ANO3: variants seen among roughly 807,000 people sequenced by gnomAD.
ANO3 encodes anoctamin 3, also known as anoctamin-3.
In ANO3, 99 loss-of-function variants were observed where a neutral mutation model predicts 144.8. The observed-to-expected ratio is 0.68, with a 90% CI of 0.58 to 0.81. The LOEUF is 0.81. ANO3 is among the 30% of genes least tolerant of loss of function. The pLI, the probability that ANO3 is intolerant of heterozygous loss-of-function variation, is 0.00. For synonymous variants in ANO3, 414 were observed against 392.6 expected (o/e 1.05, Z -0.64); for missense variants, 905 against 1,202.2 (o/e 0.75, Z 3.66).
intron 1 of ANO3, among the ~76,000 whole-genome samples, chr11:26,319,297 C>A (rs1248634164): frequency 6.6e-6 from 1 of 152,080 alleles, no homozygotes; most frequent in Non-Finnish European, 1.5e-5. Flanking sequence ...CTGTGCCTGG[C>A]TTTTTCCCTT....
Position 26,656,369 on chromosome 11 carries a change from A to T in ANO3, c.2658-7A>T. ...TTTGTCATTCTCTTTGTTTTTGTGG[A>T]TTTCAGGTACAGAGACTACAGAGGC... On this transcript the variant is annotated splice_polypyrimidine_tract_variant and splice_region_variant and intron_variant, in intron 25 of 26. Transcript: ENST00000256737. 6.3e-7 allele frequency: 1 copy of T among 1,578,726 alleles called. No individual in the cohort carries two copies. Among genetic ancestry groups the T allele is most frequent in the South Asian group, 1.1e-5 (1 of 89,426 alleles).
intron 3 of ANO3, among the ~76,000 whole-genome samples, chr11:26,456,456 C>CA (rs1284542541): frequency 2.3e-4 from 35 of 151,082 alleles, no homozygotes; most frequent in Non-Finnish European, 4.0e-4. Flanking sequence ...TTTACGCAGC[C>CA]AAAAAACACA....
intron 1 of ANO3, among the ~76,000 whole-genome samples, chr11:26,195,793 C>T (rs1443044349): frequency 5.9e-5 from 9 of 152,092 alleles, no homozygotes; most frequent in South Asian, 2.1e-4. Context: ...AGAACAACTA[C>T]GAATGTAGCT....
At chr11:26,264,195 C>T (rs1853257048) in intron 1 of ANO3, among the ~76,000 whole-genome samples, 2 of 152,108 alleles carry the variant, frequency 1.3e-5, no homozygotes, top group African/African-American at 4.8e-5. Context: ...TGAAATATTT[C>T]CAAGAAATTA....
At chr11:26,629,009 C>T (rs2133026367) in intron 18 of ANO3, among the ~76,000 whole-genome samples, 1 of 152,132 alleles carries the variant, frequency 6.6e-6, no homozygotes, top group East Asian at 1.9e-4. Context: ...ACTTGCATAT[C>T]CAATCTCCTC....
intron 1 of ANO3, among the ~76,000 whole-genome samples, chr11:26,403,792 A>T (rs1472284386): frequency 6.6e-6 from 1 of 151,812 alleles, no homozygotes; most frequent in Non-Finnish European, 1.5e-5. Flanking sequence ...ACTGTTCTGT[A>T]GACATAGAGG....
chr11:26,476,317 A>G (rs188262003), intron 4 of ANO3, among the ~76,000 whole-genome samples: 1 of 152,216 alleles, frequency 6.6e-6, no homozygotes, highest in East Asian at 1.9e-4. Flanking sequence ...AGTGATCAGG[A>G]AAACAGCTTC....
intron 11 of ANO3, among the ~76,000 whole-genome samples, chr11:26,546,171 A>G (rs1442887220): frequency 2.0e-5 from 3 of 151,872 alleles, no homozygotes; most frequent in Non-Finnish European, 4.4e-5. Context: ...AAACAAACAA[A>G]TGTTTTTTTT....
At chr11:26,244,974 GGTGTGTGTGTGTGTGT>G (rs61543573) in intron 1 of ANO3, among the ~76,000 whole-genome samples, 23 of 121,684 alleles carry the variant, frequency 1.9e-4, no homozygotes, top group Non-Finnish European at 3.0e-4. Flanking sequence ...CTGGTCTCCT[GGTGTGTGTGTGTGTGT>G]GTGTGTGTGT....
intron 1 of ANO3, among the ~76,000 whole-genome samples, chr11:26,281,424 G>A (rs1282354748): frequency 6.6e-6 from 1 of 152,072 alleles, no homozygotes; most frequent in Non-Finnish European, 1.5e-5. Flanking sequence ...TAGGCCTAGA[G>A]GGACCCTACT....
chr11:26,388,353 C>T (rs533187780), intron 1 of ANO3, among the ~76,000 whole-genome samples: 2 of 151,838 alleles, frequency 1.3e-5, no homozygotes, highest in East Asian at 3.9e-4. Context: ...ACTGTAAGTC[C>T]TTTATGGATA....
intron 1 of ANO3, among the ~76,000 whole-genome samples, chr11:26,364,045 G>T (rs1855998270): frequency 1.3e-5 from 2 of 152,148 alleles, no homozygotes; most frequent in Admixed American, 6.5e-5. Context: ...TAGAAGAATA[G>T]GTTGACTGGC....
intron 3 of ANO3, among the ~76,000 whole-genome samples, chr11:26,457,299 AAAAG>A (rs1435578746): frequency 9.4e-5 from 14 of 149,696 alleles, no homozygotes; most frequent in African/African-American, 2.9e-4. Context: ...AATAAAAGAA[AAAAG>A]AAAGAAAACA....
chr11:26,417,234 G>T (rs936204760), intron 1 of ANO3, among the ~76,000 whole-genome samples: 1 of 152,068 alleles, frequency 6.6e-6, no homozygotes, highest in Non-Finnish European at 1.5e-5. Flanking sequence ...ACCTCTATAA[G>T]TGTGTTTTCA....
intron 1 of ANO3, among the ~76,000 whole-genome samples, chr11:26,248,675 C>T (rs945136672): frequency 6.6e-6 from 1 of 152,138 alleles, no homozygotes; most frequent in African/African-American, 2.4e-5. Flanking sequence ...GCTGAATGTT[C>T]AAAGATTTTC....
rs1408161622 is a variant in ANO3 at position 26,585,282 on chromosome 11, C to CAT, written c.1448-13073_1448-13072dup. Among the ~76,000 whole-genome samples the CAT allele has an allele frequency of 1.1e-4, 17 of 151,924 alleles. 1 individual carries two copies. The South Asian group carries it at 2.7e-3, about 24-fold the overall frequency. On this transcript the variant is annotated intron_variant, in intron 14 of 26. Coordinates refer to ENST00000256737, the MANE Select transcript of ANO3 (RefSeq NM_031418.4). ...AATGCTTTGAGAGAGAGAGATATAT[C>CAT]ATATATATATAGGCATTATTTATAT...
intron 4 of ANO3, among the ~76,000 whole-genome samples, chr11:26,488,164 C>G (rs111465040): frequency 0.042 from 6,401 of 151,914 alleles, 171 homozygotes; most frequent in East Asian, 0.12. Flanking sequence ...GGCTCCATCT[C>G]AAAAAAACAA....
At chr11:26,300,830 CT>C (rs1214708415) in intron 1 of ANO3, among the ~76,000 whole-genome samples, 1 of 149,988 alleles carries the variant, frequency 6.7e-6, no homozygotes, top group Non-Finnish European at 1.5e-5. Context: ...TACTTCTTTA[CT>C]TTATTTATTT....
chr11:26,231,018 G>A (rs1852386087), intron 1 of ANO3, among the ~76,000 whole-genome samples: 1 of 150,828 alleles, frequency 6.6e-6, no homozygotes, highest in African/African-American at 2.4e-5. Flanking sequence ...AGCTGGGATT[G>A]CAGGTGTGCA....
Sources: gnomAD v4.1 joint callset for allele counts (sites outside exome capture counted in the v4.1 genomes callset) on GRCh38, gnomAD v4.1.1 for gene constraint, MANE v1.5 for transcripts, NCBI Gene and HGNC (gene_info 2026-07-23, HGNC 2026-07-21) for gene names.